The following BRF1 variants were observed in gnomAD, a reference collection of about 807,000 sequenced individuals.
The protein encoded by BRF1 is BRF1 general transcription factor IIIB subunit.
Under a neutral mutation model 81.7 loss-of-function variants are expected in BRF1, and 59 were observed. The observed-to-expected ratio is 0.72, with a 90% CI of 0.59 to 0.90. The LOEUF (loss-of-function observed/expected upper bound fraction) is 0.90, where lower values mean the gene tolerates loss of function less well. BRF1 is among the 40% of genes least tolerant of loss of function. BRF1 has a pLI of 0.00. For synonymous variants in BRF1, 491 were observed against 395.6 expected, an observed-to-expected ratio of 1.24 and a Z score of -2.86; for missense variants, 1,050 against 936.3, an observed-to-expected ratio of 1.12 and a Z score of -1.58.
chr14:105,312,363 A>C (rs1340632223), intron 1 of BRF1, among the ~76,000 whole-genome samples: 1 of 152,072 alleles, frequency 6.6e-6, no homozygotes, highest in African/African-American at 2.4e-5. Flanking sequence ...ACCTCCGGGG[A>C]CCCCGGGCAG....
At chr14:105,253,007 A>G (rs988499970) in intron 4 of BRF1, among the ~76,000 whole-genome samples, 1 of 152,202 alleles carries the variant, frequency 6.6e-6, no homozygotes, top group African/African-American at 2.4e-5. Context: ...GCTGGGACTG[A>G]GATCTGTGTT....
intron 1 of BRF1, among the ~76,000 whole-genome samples, chr14:105,294,384 C>T (rs1288790314): frequency 1.3e-5 from 2 of 152,388 alleles, no homozygotes; most frequent in East Asian, 1.9e-4. Context: ...CTGCTCCACA[C>T]CACCATCCTC....
chr14:105,256,466 C>T (rs892746734), intron 4 of BRF1, 52 bp downstream of exon 4: 1 of 1,613,998 alleles, frequency 6.2e-7, no homozygotes, highest in African/African-American at 1.3e-5. Flanking sequence ...CTGGTCACAA[C>T]CCCCAGGTCA....
chr14:105,241,217 G>T (rs202005936), intron 6 of BRF1, 48 bp downstream of exon 6: 1 of 1,598,866 alleles, frequency 6.3e-7, no homozygotes, highest in East Asian at 2.2e-5. Flanking sequence ...GAAAGTGTGA[G>T]GCCAGGACCC....
chr14:105,299,002 C>T (rs2057863751), intron 1 of BRF1, among the ~76,000 whole-genome samples: 1 of 151,918 alleles, frequency 6.6e-6, no homozygotes, highest in African/African-American at 2.4e-5. Flanking sequence ...AACCCCGTCT[C>T]CACTAAAAAA....
intron 3 of BRF1, among the ~76,000 whole-genome samples, chr14:105,261,462 T>C (rs941829500): frequency 1.3e-5 from 2 of 152,108 alleles, no homozygotes; most frequent in Non-Finnish European, 2.9e-5. Context: ...GCCACTCCAC[T>C]GTGAAGAGGA....
At chr14:105,229,693 A>G (rs1289737893) in intron 6 of BRF1, among the ~76,000 whole-genome samples, 5 of 142,944 alleles carry the variant, frequency 3.5e-5, no homozygotes, top group African/African-American at 1.3e-4. Context: ...ACAACCTAGC[A>G]TCTCAGGAGA....
chr14:105,256,918 TCTG>T (rs1453627303), intron 3 of BRF1, among the ~76,000 whole-genome samples: 1 of 152,090 alleles, frequency 6.6e-6, no homozygotes. Context: ...ATATGGTGGA[TCTG>T]CTGCCCACAC....
At chr14:105,260,333 G>A (rs998845678) in intron 3 of BRF1, among the ~76,000 whole-genome samples, 1 of 152,064 alleles carries the variant, frequency 6.6e-6, no homozygotes, top group Non-Finnish European at 1.5e-5. Context: ...AGGTGTGAGC[G>A]AGGGGACTCC....
Position 105,265,066 on chromosome 14 carries a change from T to TG in BRF1, c.439+7654_439+7655insC, listed in dbSNP as rs1367312314. The stretch of plus-strand genomic sequence containing the variant: ...TATCCTTTTTTTTGTTTTTTTTTTG[T>TG]TTGTTTGTTTTTTTAGAGACAGGGT... On this transcript the variant is annotated intron_variant, in intron 3 of 17. Transcript: ENST00000547530. Among the ~76,000 whole-genome samples the TG allele has an allele frequency of 2.2e-3, 310 of 138,214 alleles. 4 individuals are homozygous for TG. The highest frequency in any genetic ancestry group is 8.7e-3 in the African/African-American group (287 of 32,818). The allele number at this position is 138,214 out of a possible 152,430, so 90.7% of individuals were successfully genotyped here. A position where few individuals can be genotyped will look rare whatever the true frequency, so the allele number is the denominator to read the frequency against.
At chr14:105,254,530 T>G (rs2055772325) in intron 4 of BRF1, among the ~76,000 whole-genome samples, 1 of 151,926 alleles carries the variant, frequency 6.6e-6, no homozygotes, top group East Asian at 1.9e-4. Flanking sequence ...GTGCTGGGAT[T>G]ACAGGAGTGA....
In BRF1 at chr14:105,272,745, C is replaced by T; in HGVS notation, c.415G>A (p.Val139Ile). Residue 139 changes from valine to isoleucine, a missense_variant, in exon 3 of 18, where the codon GTC (valine) becomes ATC (isoleucine). Val to Ile is a conservative substitution (Grantham distance 29, BLOSUM62 3). This residue lies in a region of BRF1 where 1,043 missense variants were observed against 915.4 expected (regional missense o/e 1.14). Coordinates refer to ENST00000547530, the MANE Select transcript of BRF1 (RefSeq NM_001519.4). ...AHVIAACLYL[V>I]CRTEGTPHML... ...CGCGGCGTGCCCTCCGTACGGCAGA[C>T]CAGGTAGAGGCAGGCAGCAATCACG... 6.2e-7 allele frequency: 1 copy of T among 1,613,166 alleles called. No homozygotes were observed. Among genetic ancestry groups the T allele is most frequent in the South Asian group, 1.1e-5 (1 of 90,988 alleles).
chr14:105,252,902 T>C (rs1379011939), intron 4 of BRF1, among the ~76,000 whole-genome samples: 2 of 152,342 alleles, frequency 1.3e-5, no homozygotes, highest in African/African-American at 2.4e-5. Context: ...TGCACACCCA[T>C]GAACACAAAA....
chr14:105,311,145 G>T (rs976972948), intron 1 of BRF1, among the ~76,000 whole-genome samples: 5 of 152,066 alleles, frequency 3.3e-5, no homozygotes, highest in Admixed American at 6.5e-5. Context: ...GTAGAGATGG[G>T]GTTTCACTAT....
intron 3 of BRF1, among the ~76,000 whole-genome samples, chr14:105,264,889 A>T (rs1401257950): frequency 6.6e-6 from 1 of 152,012 alleles, no homozygotes; most frequent in Non-Finnish European, 1.5e-5. Context: ...ACCTGATTAG[A>T]CACAGCAAAA....
intron 6 of BRF1, among the ~76,000 whole-genome samples, 153 bp downstream of exon 6, chr14:105,241,112 C>T (rs1253405366): frequency 1.3e-5 from 2 of 152,332 alleles, no homozygotes; most frequent in Non-Finnish European, 2.9e-5. Flanking sequence ...GCTGAGGACC[C>T]CGGTGGGCCA....
chr14:105,265,848 C>T (rs1195838584), intron 3 of BRF1, among the ~76,000 whole-genome samples: 1 of 146,440 alleles, frequency 6.8e-6, no homozygotes, highest in African/African-American at 2.6e-5. Context: ...TTGTAGTGAG[C>T]TGAGATCATG....
In BRF1 at chr14:105,215,767, GCA is replaced by G. The variant is rs997424829; in HGVS notation, c.1772+1775_1772+1776del. The stretch of plus-strand genomic sequence containing the variant: ...TACACAGACACAGGCACATACACAT[GCA>G]CACACACTGCACACACACACATGCA... On this transcript the variant is annotated intron_variant, in intron 15 of 17. Transcript: ENST00000547530. Among the ~76,000 whole-genome samples the G allele has an allele frequency of 4.4e-4, 41 of 93,856 alleles. No homozygotes were observed. The East Asian group carries it at 5.8e-3, about 13-fold the overall frequency. The allele number at this position is 93,856 out of a possible 152,430, so 61.6% of individuals were successfully genotyped here. A position where few individuals can be genotyped will look rare whatever the true frequency, so the allele number is the denominator to read the frequency against.
At chr14:105,241,588 C>T (rs1000474032) in intron 5 of BRF1, 174 bp from the exon 6 acceptor site, 36 of 837,604 alleles carry the variant, frequency 4.3e-5, no homozygotes, top group Middle Eastern at 7.3e-4. Flanking sequence ...GGGCAGCCAT[C>T]GCACCGAACC....
Sources: gnomAD v4.1 joint callset for allele counts (sites outside exome capture counted in the v4.1 genomes callset) on GRCh38, gnomAD v4.1.1 for gene constraint, gnomAD v4.1.1 regional missense constraint, MANE v1.5 for transcripts, NCBI Gene and HGNC (gene_info 2026-07-23, HGNC 2026-07-21) for gene names.